The following WASHC2A variants were observed in gnomAD, a reference collection of about 807,000 sequenced individuals.
The protein encoded by WASHC2A is WASH complex subunit 2A.
In WASHC2A, 82 loss-of-function variants were observed where a neutral mutation model predicts 140.3. The ratio of observed to expected loss-of-function variants is 0.58; its 90% CI spans 0.49 to 0.70. The LOEUF (loss-of-function observed/expected upper bound fraction) is 0.70, where lower values mean the gene tolerates loss of function less well. Ranked by LOEUF, WASHC2A falls within the 30% of genes least tolerant of loss-of-function variation. The pLI, the probability that WASHC2A is intolerant of heterozygous loss-of-function variation, is 0.00. For synonymous variants in WASHC2A, 340 were observed against 560.8 expected (o/e 0.61, Z 5.56); for missense variants, 985 against 1,521.8 (o/e 0.65, Z 5.87).
Position 50,090,831 on chromosome 10 carries a change from C to A in WASHC2A, c.788C>A (p.Ala263Asp). The part of the protein sequence containing the change: ...EEDDDGCDLF[A>D]DSEKEEEDIE... ...GATGATGATGGCTGTGACCTTTTCG[C>A]TGACTCTGAGAAGGAGGAGGAAGAT... Residue 263 changes from alanine to aspartate, a missense_variant, in exon 9 of 31, where the codon GCT (alanine) becomes GAT (aspartate). Transcript: ENST00000282633. 6.2e-7 allele frequency: 1 copy of A among 1,611,682 alleles called. No homozygotes were observed. Among genetic ancestry groups the A allele is most frequent in the Admixed American group, 1.7e-5 (1 of 59,970 alleles).
rs1190936570 is a variant in WASHC2A at position 50,118,257 on chromosome 10, CAT to C, written c.2295+200_2295+201del. 2.2e-3 allele frequency among the ~76,000 whole-genome samples: 127 copies of C among 57,160 alleles called. 3 individuals carry two copies. Among genetic ancestry groups the C allele is most frequent in the South Asian group, 0.014 (12 of 862 alleles). 37.5% of individuals were successfully genotyped at this position (57,160 alleles called of 152,430 possible). A position where few individuals can be genotyped will look rare whatever the true frequency, so the allele number is the denominator to read the frequency against. ...CTTTCCTCCCGGCCCTTCTCCAAGA[CAT>C]GTGCGCACTGTGGTGTGCCTGCTCC... On this transcript the variant is annotated intron_variant, in intron 22 of 30. Transcript: ENST00000282633.
chr10:50,074,493 C>T (rs1233645508), intron 3 of WASHC2A, among the ~76,000 whole-genome samples: 6 of 151,458 alleles, frequency 4.0e-5, no homozygotes, highest in African/African-American at 9.7e-5. Context: ...AATCCCTGAT[C>T]TTTATAGAGC....
rs1840389430 is a variant in WASHC2A at position 50,095,466 on chromosome 10, G to A, written c.1241-133G>A. 6 of 1,378,686 alleles carry A rather than the reference G, an allele frequency of 4.4e-6. No homozygotes were observed. In the South Asian group the frequency reaches 5.1e-5, roughly 12 times the overall value. The allele number at this position is 1,378,686 out of a possible 1,614,324, so 85.4% of individuals were successfully genotyped here. On this transcript the variant is annotated intron_variant, in intron 14 of 30. Transcript: ENST00000282633. ...TGTTCTGTAGCAGTAATGGATGGAG[G>A]CTATTGGGCCCTGTTATGCATTTTG...
intron 25 of WASHC2A, 113 bp from the exon 26 acceptor site, chr10:50,125,944 A>C: frequency 7.4e-7 from 1 of 1,347,076 alleles, no homozygotes. Context: ...TTCAGCCCTC[A>C]TTTGAGAAAG....
intron 17 of WASHC2A, among the ~76,000 whole-genome samples, chr10:50,102,939 T>G (rs1202876742): frequency 4.6e-5 from 7 of 151,888 alleles, no homozygotes; most frequent in Admixed American, 4.6e-4. Flanking sequence ...GGATCTTGGC[T>G]CACTGCAACC....
chr10:50,070,158 T>C (rs1837675993), intron 3 of WASHC2A, among the ~76,000 whole-genome samples: 1 of 152,226 alleles, frequency 6.6e-6, no homozygotes, highest in Non-Finnish European at 1.5e-5. Flanking sequence ...AACTAAAGTT[T>C]ATGATGGCTG....
intron 23 of WASHC2A, among the ~76,000 whole-genome samples, chr10:50,124,578 G>A (rs1274952957): frequency 3.3e-5 from 5 of 152,186 alleles, no homozygotes; most frequent in Admixed American, 3.3e-4. Context: ...CAGAAGTGAT[G>A]GACAGCCATA....
chr10:50,094,636 G>C (rs1554884105), intron 13 of WASHC2A, among the ~76,000 whole-genome samples: 1 of 152,150 alleles, frequency 6.6e-6, no homozygotes, highest in Non-Finnish European at 1.5e-5. Flanking sequence ...CCTTGTGCCT[G>C]CTGTGCGGGC....
intron 30 of WASHC2A, among the ~76,000 whole-genome samples, chr10:50,131,406 G>T (rs1287634546): frequency 1.3e-5 from 2 of 152,192 alleles, no homozygotes. Context: ...ATGACCTCAC[G>T]TGCTAAAGTA....
chr10:50,112,901 A>G (rs1201013123), intron 20 of WASHC2A, among the ~76,000 whole-genome samples: 4 of 148,370 alleles, frequency 2.7e-5, no homozygotes, highest in Admixed American at 1.3e-4. Context: ...GGGCAGGGGG[A>G]ATGGAGAGTG....
At chr10:50,121,118 A>G (rs1228478635) in intron 23 of WASHC2A, among the ~76,000 whole-genome samples, 1 of 149,546 alleles carries the variant, frequency 6.7e-6, no homozygotes, top group African/African-American at 2.6e-5. Flanking sequence ...ATTCTAATCA[A>G]CCTTGTACTG....
Position 50,098,915 on chromosome 10 carries a change from G to A in WASHC2A, c.1549-1063G>A, listed in dbSNP as rs1346055369. Among the ~76,000 whole-genome samples, 11 of 150,412 alleles carry A rather than the reference G, an allele frequency of 7.3e-5. No individual in the cohort carries two copies. In the East Asian group the frequency reaches 1.6e-3, roughly 22 times the overall value. On this transcript the variant is annotated intron_variant, in intron 16 of 30. Coordinates refer to ENST00000282633, the MANE Select transcript of WASHC2A (RefSeq NM_001005751.3). ...TCCACTGTCTGCCTCATTCAGACAC[G>A]TTTGTCACTTGGTTGTTAGGGTGCC...
chr10:50,099,262 T>A (rs1419940334), intron 16 of WASHC2A, among the ~76,000 whole-genome samples: 3 of 144,322 alleles, frequency 2.1e-5, no homozygotes, highest in Non-Finnish European at 4.6e-5. Flanking sequence ...TTACCATCAT[T>A]CTTCTTCTTT....
chr10:50,111,736 A>G (rs1842303280), intron 20 of WASHC2A, among the ~76,000 whole-genome samples: 1 of 152,202 alleles, frequency 6.6e-6, no homozygotes, highest in Non-Finnish European at 1.5e-5. Context: ...TTGTTTCATA[A>G]GAAGCCTTCC....
chr10:50,112,363 T>G, intron 20 of WASHC2A: 1 of 513,816 alleles, frequency 1.9e-6, no homozygotes. Context: ...ATTCATACCT[T>G]CATCAGATCT....
At position 50,087,272 on chromosome 10, in the gene WASHC2A, A is replaced by G. The variant is rs1276164119; in HGVS notation, c.685-3A>G. 180 of 1,613,824 alleles carry G rather than the reference A, an allele frequency of 1.1e-4. 1 individual carries two copies. In the East Asian group the frequency reaches 3.9e-3, roughly 35 times the overall value. ...ACAACAAAGCCTTTTCTTCCCCACA[A>G]AGGAGTCAGATGAAGATTTTGCCCA... On this transcript the variant is annotated splice_polypyrimidine_tract_variant and splice_region_variant and intron_variant, in intron 7 of 30. Transcript: ENST00000282633.
chr10:50,113,013 T>TG (rs1209597528), intron 20 of WASHC2A, among the ~76,000 whole-genome samples: 4 of 151,862 alleles, frequency 2.6e-5, no homozygotes, highest in Non-Finnish European at 4.4e-5. Flanking sequence ...AAGAAAACAT[T>TG]GAAGTATGCA....
chr10:50,133,498 A>G lies in WASHC2A; in HGVS notation c.*553A>G. The G allele has an allele frequency of 4.3e-6, 2 of 469,156 alleles. No homozygotes were observed. Among genetic ancestry groups the G allele is most frequent in the South Asian group, 3.1e-5 (2 of 64,480 alleles). 29.1% of individuals were successfully genotyped at this position (469,156 alleles called of 1,614,324 possible). On this transcript the variant is annotated 3_prime_UTR_variant, in exon 31 of 31. Transcript: ENST00000282633. ...TATTTTGTTAATAAAATTTTATTGGAACACAACCACATTCATTTGTTTACT... is the reference window on the plus strand; with the variant it reads ...TATTTTGTTAATAAAATTTTATTGGGACACAACCACATTCATTTGTTTACT...
chr10:50,104,667 G>T (rs1328722704), intron 18 of WASHC2A, among the ~76,000 whole-genome samples: 6 of 152,102 alleles, frequency 3.9e-5, no homozygotes, highest in Admixed American at 6.6e-5. Context: ...TCTTGACACA[G>T]TTCTTATGGA....
Sources: allele counts gnomAD v4.1 joint callset (sites outside exome capture counted in the v4.1 genomes callset), GRCh38; gene constraint gnomAD v4.1.1; transcripts MANE v1.5; gene names NCBI Gene and HGNC (gene_info 2026-07-23, HGNC 2026-07-21).